The following N4BP1 variants were observed in gnomAD, a reference collection of about 807,000 sequenced individuals.
N4BP1 encodes NEDD4-binding protein 1.
In N4BP1, 21 loss-of-function variants were observed where a neutral mutation model predicts 70.9. That is an observed-to-expected ratio of 0.30 (90% confidence interval 0.21 to 0.43). The LOEUF (loss-of-function observed/expected upper bound fraction) is 0.43, where lower values mean the gene tolerates loss of function less well. Among genes scored for constraint, N4BP1 ranks in the 20% least tolerant of loss-of-function variants. The pLI, the probability that N4BP1 is intolerant of heterozygous loss-of-function variation, is 1.00. For synonymous variants in N4BP1, 387 were observed against 394.6 expected (o/e 0.98, Z 0.23); for missense variants, 936 against 1,069.4 (o/e 0.88, Z 1.74).
intron 1 of N4BP1, among the ~76,000 whole-genome samples, chr16:48,568,228 C>A (rs527553468): frequency 6.6e-6 from 1 of 152,218 alleles, no homozygotes; most frequent in African/African-American, 2.4e-5. Flanking sequence ...TGGCACTGAC[C>A]CGTGTTGTCA....
intron 1 of N4BP1, among the ~76,000 whole-genome samples, chr16:48,608,078 G>C (rs1285856560): frequency 3.3e-5 from 5 of 152,210 alleles, no homozygotes; most frequent in African/African-American, 1.2e-4. Flanking sequence ...GTGGGTGACA[G>C]AGTGAGACCC....
At chr16:48,555,099 A>G (rs1425907154) in intron 2 of N4BP1, among the ~76,000 whole-genome samples, 1 of 152,148 alleles carries the variant, frequency 6.6e-6, no homozygotes, top group Non-Finnish European at 1.5e-5. Context: ...TCCTTCTTCA[A>G]ATGCCCTCAG....
intron 1 of N4BP1, among the ~76,000 whole-genome samples, chr16:48,586,731 A>AT (rs746836450): frequency 5.9e-5 from 9 of 152,242 alleles, no homozygotes; most frequent in Non-Finnish European, 1.0e-4. Flanking sequence ...TTATCACCTT[A>AT]TAACAAGAAG....
chr16:48,574,345 T>G lies in N4BP1; in HGVS notation c.199-11901A>C, dbSNP rs75916724. ...GTTTTGCTTGTTTCTTATCTGACATTTGAGATAAGGAATGTCAGCAGTTAT... is the reference window on the plus strand; with the variant it reads ...GTTTTGCTTGTTTCTTATCTGACATGTGAGATAAGGAATGTCAGCAGTTAT... On this transcript the variant is annotated intron_variant, in intron 1 of 6. Transcript: ENST00000262384. 2.3e-3 allele frequency among the ~76,000 whole-genome samples: 352 copies of G among 152,334 alleles called. 17 individuals carry two copies. The East Asian group carries it at 0.062, about 27-fold the overall frequency.
At chr16:48,593,912 G>T (rs749550728) in intron 1 of N4BP1, among the ~76,000 whole-genome samples, 3 of 145,030 alleles carry the variant, frequency 2.1e-5, no homozygotes, top group Non-Finnish European at 3.0e-5. Flanking sequence ...TGAGACAAAA[G>T]AGTTGCTTGA....
At chr16:48,601,772 C>T (rs1964504788) in intron 1 of N4BP1, among the ~76,000 whole-genome samples, 1 of 152,050 alleles carries the variant, frequency 6.6e-6, no homozygotes, top group African/African-American at 2.4e-5. Context: ...TGCAGGGGTA[C>T]AATCAGGGCG....
chr16:48,555,232 T>C (rs756950343), intron 2 of N4BP1, among the ~76,000 whole-genome samples: 1 of 152,186 alleles, frequency 6.6e-6, no homozygotes, highest in Non-Finnish European at 1.5e-5. Context: ...ATCACAGAGA[T>C]AGAATGGCAT....
intron 1 of N4BP1, among the ~76,000 whole-genome samples, chr16:48,599,324 G>C (rs886602795): frequency 2.0e-5 from 3 of 152,140 alleles, no homozygotes; most frequent in Admixed American, 6.5e-5. Flanking sequence ...GAATTCCTAA[G>C]GAGCTAATGG....
rs564996358 is a variant in N4BP1, at chr16:48,540,799, G to A, written c.*2105C>T. 6.6e-6 allele frequency: 1 copy of A among 152,368 alleles called. No homozygotes were observed. The highest frequency in any genetic ancestry group is 2.4e-5 in the African/African-American group (1 of 41,586). The allele number at this position is 152,368 out of a possible 1,614,324, so 9.4% of individuals were successfully genotyped here. On this transcript the variant is annotated 3_prime_UTR_variant, in exon 7 of 7. Coordinates refer to ENST00000262384, the MANE Select transcript of N4BP1 (RefSeq NM_153029.4). Reference sequence around the variant, plus strand: ...CAGCAGCCACACTGAGGCTAGTACTGGAGGAGGCTGAGAACCAGTAATGAG... The same window carrying A: ...CAGCAGCCACACTGAGGCTAGTACTAGAGGAGGCTGAGAACCAGTAATGAG...
chr16:48,593,622 C>CA (rs1253633326), intron 1 of N4BP1, among the ~76,000 whole-genome samples: 3 of 151,642 alleles, frequency 2.0e-5, no homozygotes, highest in East Asian at 3.9e-4. Flanking sequence ...TGCTCTTTAA[C>CA]AAAAAAAATA....
intron 1 of N4BP1, among the ~76,000 whole-genome samples, chr16:48,590,951 G>A (rs962417101): frequency 6.6e-6 from 1 of 152,182 alleles, no homozygotes; most frequent in Non-Finnish European, 1.5e-5. Context: ...CTCAGGCAGA[G>A]AATAGGAGGA....
intron 1 of N4BP1, among the ~76,000 whole-genome samples, chr16:48,572,969 G>C (rs1327804088): frequency 1.3e-5 from 2 of 151,602 alleles, no homozygotes; most frequent in Non-Finnish European, 2.9e-5. Flanking sequence ...AAAATTAGCC[G>C]AGCATGGTGG....
chr16:48,609,960 C>G lies in N4BP1; in HGVS notation c.13G>C (p.Ala5Pro). 8.0e-7 allele frequency: 1 copy of G among 1,248,514 alleles called. No individual in the cohort carries two copies. The highest frequency in any genetic ancestry group is 1.6e-5 in the African/African-American group (1 of 64,358). 77.3% of individuals were successfully genotyped at this position (1,248,514 alleles called of 1,614,324 possible). The change falls in exon 1 of 7, where the codon GCG becomes CCG. Residue 5 changes from alanine to proline, a missense_variant. Physicochemically the swap from Ala to Pro is conservative, Grantham distance 27 (BLOSUM62 -1). This residue lies in a region of N4BP1 where 187 missense variants were observed against 217.1 expected (regional missense o/e 0.86). Transcript: ENST00000262384. The stretch of plus-strand genomic sequence containing the variant: ...GGCGCAGTGAACTCGTCCAGCACCG[C>G]CCGGGCCGCCATGGCGGGCGCGGCC... MAARAVLDEFTAPAE... is the reference protein window; with the variant it reads MAARPVLDEFTAPAE...
intron 1 of N4BP1, among the ~76,000 whole-genome samples, chr16:48,607,564 G>C (rs1181274375): frequency 6.6e-6 from 1 of 152,052 alleles, no homozygotes; most frequent in Non-Finnish European, 1.5e-5. Context: ...GAGGGAGGGA[G>C]CAATGAATGA....
intron 1 of N4BP1, among the ~76,000 whole-genome samples, chr16:48,605,238 G>C (rs987483784): frequency 6.6e-6 from 1 of 152,050 alleles, no homozygotes; most frequent in African/African-American, 2.4e-5. Flanking sequence ...CTCCATGTTG[G>C]TGGGCTGGTC....
Position 48,609,958 on chromosome 16 carries a change from C to G in N4BP1, c.15G>C (p.Ala5=), listed in dbSNP as rs1457814740. The stretch of plus-strand genomic sequence containing the variant: ...CTGGCGCAGTGAACTCGTCCAGCAC[C>G]GCCCGGGCCGCCATGGCGGGCGCGG... The part of the protein sequence containing the change: MAAR[A]VLDEFTAPAE... Residue 5 remains alanine (A), a synonymous_variant, in exon 1 of 7, where the codon GCG becomes GCC. Coordinates refer to ENST00000262384, the MANE Select transcript of N4BP1 (RefSeq NM_153029.4). 8.0e-7 allele frequency: 1 copy of G among 1,248,550 alleles called. No individual in the cohort carries two copies. Among genetic ancestry groups the G allele is most frequent in the Admixed American group, 3.9e-5 (1 of 25,740 alleles). The allele number at this position is 1,248,550 out of a possible 1,614,324, so 77.3% of individuals were successfully genotyped here.
chr16:48,582,656 T>C (rs746342530), intron 1 of N4BP1, among the ~76,000 whole-genome samples: 3 of 152,198 alleles, frequency 2.0e-5, no homozygotes, highest in Non-Finnish European at 4.4e-5. Flanking sequence ...TTGTGCCTAA[T>C]GTATAATTTA....
At chr16:48,585,333 G>A (rs910085152) in intron 1 of N4BP1, among the ~76,000 whole-genome samples, 1 of 151,490 alleles carries the variant, frequency 6.6e-6, no homozygotes, top group Non-Finnish European at 1.5e-5. Context: ...ATATATTTAT[G>A]ATTATGAAAA....
chr16:48,585,948 G>A (rs996916386), intron 1 of N4BP1, among the ~76,000 whole-genome samples: 5 of 151,930 alleles, frequency 3.3e-5, no homozygotes, highest in Admixed American at 2.0e-4. Flanking sequence ...CGCCCGCCTC[G>A]GCCTCCCAAA....
Sources: allele counts gnomAD v4.1 joint callset (sites outside exome capture counted in the v4.1 genomes callset), GRCh38; gene constraint gnomAD v4.1.1; regional missense constraint gnomAD v4.1.1; transcripts MANE v1.5; gene names NCBI Gene and HGNC (gene_info 2026-07-23, HGNC 2026-07-21).